The following SCAP variants were observed in gnomAD, a reference collection of about 807,000 sequenced individuals.
The protein encoded by SCAP is SREBF chaperone.
SCAP carries 65 observed loss-of-function variants against 123.6 expected under a neutral mutation model. The ratio of observed to expected loss-of-function variants is 0.53; its 90% CI spans 0.43 to 0.65. The LOEUF is 0.65. Among genes scored for constraint, SCAP ranks in the 30% least tolerant of loss-of-function variants. SCAP has a pLI of 0.00. For missense variants in SCAP, 1,398 were observed against 1,712.5 expected (o/e 0.82, Z 3.24); for synonymous variants, 740 against 726.3 (o/e 1.02, Z -0.30).
Position 47,419,813 on chromosome 3 carries a change from A to G in SCAP, c.1564-109T>C. 1.5e-6 allele frequency: 2 copies of G among 1,321,368 alleles called. No individual in the cohort carries two copies. The highest frequency in any genetic ancestry group is 2.0e-6 in the Non-Finnish European group (2 of 985,300). 81.9% of individuals were successfully genotyped at this position (1,321,368 alleles called of 1,614,324 possible). ...ACAGGGACCTCAGGCCTGGGGATGG[A>G]GAGAGGACACAGGCCCCACTGCGTC... On this transcript the variant is annotated intron_variant, in intron 12 of 22. Coordinates refer to ENST00000265565, the MANE Select transcript of SCAP (RefSeq NM_012235.4). The surrounding 1 kb of genome is among the most constrained non-coding windows in gnomAD (Gnocchi z 5.0).
chr3:47,472,366 G>A (rs1204177467), intron 1 of SCAP, among the ~76,000 whole-genome samples: 1 of 150,558 alleles, frequency 6.6e-6, no homozygotes, highest in African/African-American at 2.4e-5. Context: ...CCCGGGAAGC[G>A]GAGCTTGCAG....
At chr3:47,446,022 C>T (rs535148116) in intron 1 of SCAP, among the ~76,000 whole-genome samples, 19 of 150,328 alleles carry the variant, frequency 1.3e-4, no homozygotes, top group Non-Finnish European at 2.2e-4. Flanking sequence ...ATTACAGATG[C>T]GCGCCACCAC....
intron 1 of SCAP, chr3:47,469,801 G>A: frequency 1.8e-6 from 1 of 565,052 alleles, no homozygotes; most frequent in South Asian, 1.4e-5. Flanking sequence ...ACAAGGAAGA[G>A]ACTTGCAAGG....
rs957251613 is a variant in SCAP at position 47,465,239 on chromosome 3, C to T, written c.-99+10560G>A. Among the ~76,000 whole-genome samples the T allele has an allele frequency of 6.6e-5, 10 of 151,308 alleles. 1 individual carries two copies. Among genetic ancestry groups the T allele is most frequent in the East Asian group, 1.9e-4 (1 of 5,132 alleles). ...AGGCTGGAGTGCAGTGGCACAATCTCGGTTCACTGCAATCTCCGCCTCCCA... is the reference window on the plus strand; with the variant it reads ...AGGCTGGAGTGCAGTGGCACAATCTTGGTTCACTGCAATCTCCGCCTCCCA... On this transcript the variant is annotated intron_variant, in intron 1 of 22. Transcript: ENST00000265565.
rs185732125 is a variant in SCAP, at chr3:47,448,392, G to A, written c.-98-5301C>T. On this transcript the variant is annotated intron_variant, in intron 1 of 22. Transcript: ENST00000265565. ...GTGTGGATTCTTTGGAAATTTCTAC[G>A]TAGACTTATCATGTTATCTGTGAAC... Among the ~76,000 whole-genome samples, 266 of 152,004 alleles carry A rather than the reference G, an allele frequency of 1.7e-3. 1 individual carries two copies. The highest frequency in any genetic ancestry group is 6.8e-3 in the Middle Eastern group (2 of 294).
chr3:47,459,733 G>T (rs1559566524), intron 1 of SCAP, among the ~76,000 whole-genome samples: 1 of 152,180 alleles, frequency 6.6e-6, no homozygotes, highest in South Asian at 2.1e-4. Context: ...CAGAACTACT[G>T]ATAAGGGTCT....
Position 47,419,291 on chromosome 3 carries a change from C to T in SCAP, c.1940+37G>A. ...GGGAAAGGGGATGGTGAGTTGACAC[C>T]ATCGAGTGAGGTGGCACCTGGCACG... On this transcript the variant is annotated intron_variant, in intron 13 of 22. Coordinates refer to ENST00000265565, the MANE Select transcript of SCAP (RefSeq NM_012235.4). This position sits in a 1 kb window ranked among gnomAD's most constrained non-coding sequence, Gnocchi z 5.0. 1 of 1,575,356 alleles carries T rather than the reference C, an allele frequency of 6.3e-7. No homozygotes were observed. The highest frequency in any genetic ancestry group is 8.6e-7 in the Non-Finnish European group (1 of 1,158,266).
Position 47,420,487 on chromosome 3 carries a change from GCAC to G in SCAP, c.1563+64_1563+66del, listed in dbSNP as rs1705842924. The G allele has an allele frequency of 2.1e-6, 3 of 1,400,822 alleles. No homozygotes were observed. In the East Asian group the frequency reaches 7.3e-5, roughly 34 times the overall value. The allele number at this position is 1,400,822 out of a possible 1,614,324, so 86.8% of individuals were successfully genotyped here. A position where few individuals can be genotyped will look rare whatever the true frequency, so the allele number is the denominator to read the frequency against. ...CTTTGCCACTCTAAGGCCAAGTGCA[GCAC>G]CACAAGGGGCCTGGAGCACCGGCCC... On this transcript the variant is annotated intron_variant, in intron 12 of 22. Coordinates refer to ENST00000265565, the MANE Select transcript of SCAP (RefSeq NM_012235.4). This position sits in a 1 kb window ranked among gnomAD's most constrained non-coding sequence, Gnocchi z 5.0.
chr3:47,462,317 A>T (rs956941294), intron 1 of SCAP, among the ~76,000 whole-genome samples: 1 of 152,182 alleles, frequency 6.6e-6, no homozygotes, highest in Non-Finnish European at 1.5e-5. Context: ...TCTGTAAAAC[A>T]GTCATCTGAC....
At position 47,421,037 on chromosome 3, in the gene SCAP, C is replaced by CA; in HGVS notation, c.1246-9dup. On this transcript the variant is annotated splice_polypyrimidine_tract_variant and intron_variant, in intron 10 of 22. Transcript: ENST00000265565. ...AGCAAAGAGACAGAACTCCTGGAAT[C>CA]AGAGCACATGGGGATGGGGGGGTGC... is the stretch of plus-strand genomic sequence containing the variant. 6.2e-7 allele frequency: 1 copy of CA among 1,610,788 alleles called. No homozygotes were observed. Among genetic ancestry groups the CA allele is most frequent in the African/African-American group, 1.3e-5 (1 of 74,966 alleles).
intron 2 of SCAP, among the ~76,000 whole-genome samples, chr3:47,441,874 C>CTTTTTTT (rs1160447716): frequency 1.9e-3 from 148 of 76,202 alleles, no homozygotes; most frequent in East Asian, 3.6e-3. Context: ...GTTCATCTTT[C>CTTTTTTT]TTTTTTTTTT....
At chr3:47,473,080 C>CAAAAAAAAAAAAAAAAAAAACAAAAAAA (rs34472664) in intron 1 of SCAP, among the ~76,000 whole-genome samples, 1 of 38,060 alleles carries the variant, frequency 2.6e-5, no homozygotes, top group Non-Finnish European at 4.3e-5. Context: ...AACTCCATCT[C>CAAAAAAAAAAAAAAAAAAAACAAAAAAA]AAAAAAAAAA....
rs144927702 is a variant in SCAP, at chr3:47,419,064, G to A, written c.1941-221C>T. On this transcript the variant is annotated intron_variant, in intron 13 of 22. Transcript: ENST00000265565. The surrounding 1 kb of genome is among the most constrained non-coding windows in gnomAD (Gnocchi z 5.0). ...CAGCACCCAAACAGCCCTGGTGGCC[G>A]TGTGGGGTATCTCCCTCCCCACTCC... 2.6e-3 allele frequency among the ~76,000 whole-genome samples: 396 copies of A among 152,264 alleles called. 4 individuals are homozygous for A. Among genetic ancestry groups the A allele is most frequent in the African/African-American group, 9.0e-3 (375 of 41,544 alleles).
intron 9 of SCAP, chr3:47,422,785 T>C (rs1559544494): frequency 2.6e-6 from 1 of 383,712 alleles, no homozygotes; most frequent in East Asian, 4.0e-5. Context: ...AGAGCTATAA[T>C]CATCAAAAGA....
chr3:47,424,692 G>C (rs1242327470), intron 8 of SCAP, among the ~76,000 whole-genome samples: 1 of 152,230 alleles, frequency 6.6e-6, no homozygotes, highest in African/African-American at 2.4e-5. Context: ...AGACGGTATG[G>C]GGGAGGGTGG....
chr3:47,443,181 G>A, intron 1 of SCAP, 90 bp from the exon 2 acceptor site: 1 of 1,039,254 alleles, frequency 9.6e-7, no homozygotes, highest in South Asian at 1.7e-5. Flanking sequence ...ATGTGGCTGG[G>A]GAATGGTTTC....
chr3:47,417,061 G>C, intron 18 of SCAP, 61 bp downstream of exon 18: 1 of 1,462,880 alleles, frequency 6.8e-7, no homozygotes, highest in Non-Finnish European at 9.5e-7. Context: ...CAAGACTCAA[G>C]AGAGTATGGC....
chr3:47,474,201 G>A (rs912086181), intron 1 of SCAP, among the ~76,000 whole-genome samples: 1 of 151,650 alleles, frequency 6.6e-6, no homozygotes, highest in African/African-American at 2.4e-5. Flanking sequence ...GCAGGCGGAG[G>A]GTGCAGTGAG....
In SCAP at chr3:47,418,243, C is replaced by A; in HGVS notation, c.2338G>T (p.Glu780Ter). The A allele has an allele frequency of 6.4e-7, 1 of 1,564,684 alleles. No individual in the cohort carries two copies. Among genetic ancestry groups the A allele is most frequent in the Non-Finnish European group, 8.7e-7 (1 of 1,155,000 alleles). ...AGCATGCCGTCGCTGGCCAGGCACT[C>A]GATGTCCTGCAGAAGCCCGGTGTTG... ...LVLRGHLMDI[E>*]CLASDGMLLV... Residue 780 changes from glutamate (E) to a stop codon, truncating the protein, a stop_gained, in exon 16 of 23, where the codon GAG becomes TAG. Transcript: ENST00000265565. LOFTEE classifies it high-confidence loss of function.
Sources: gnomAD v4.1 joint callset for allele counts (sites outside exome capture counted in the v4.1 genomes callset) on GRCh38, gnomAD v4.1.1 for gene constraint, Gnocchi (gnomAD v3.1) non-coding constraint, MANE v1.5 for transcripts, NCBI Gene and HGNC (gene_info 2026-07-23, HGNC 2026-07-21) for gene names.